The following PSG3 variants were observed in gnomAD, a reference collection of about 807,000 sequenced individuals.
PSG3 encodes the protein pregnancy-specific beta-1-glycoprotein 3.
A neutral mutation model predicts 47.5 loss-of-function variants in PSG3; 61 were observed. That is an observed-to-expected ratio of 1.28 (90% confidence interval 1.05 to 1.59). The LOEUF is 1.59. Ranked by LOEUF, PSG3 falls within the 40% of genes most tolerant of loss-of-function variation. The pLI is 0.00. For missense variants in PSG3, 756 were observed against 524.0 expected (o/e 1.44, Z -4.32); for synonymous variants, 263 against 198.4 (o/e 1.33, Z -2.74).
At chr19:42,739,257 G>C (rs566064330) in intron 1 of PSG3, 168 bp from the exon 2 acceptor site, 1 of 1,191,004 alleles carries the variant, frequency 8.4e-7, no homozygotes, top group Non-Finnish European at 1.2e-6. Context: ...ATATGTGTTT[G>C]TGTCCTACTC....
At chr19:42,734,936 T>A (rs1310414484) in intron 2 of PSG3, among the ~76,000 whole-genome samples, 3 of 152,242 alleles carry the variant, frequency 2.0e-5, no homozygotes, top group Admixed American at 1.3e-4. Context: ...CACTAGTGTT[T>A]AAGTTTGTGT....
intron 2 of PSG3, among the ~76,000 whole-genome samples, chr19:42,736,573 T>C (rs535534974): frequency 4.6e-5 from 7 of 151,806 alleles, no homozygotes; most frequent in African/African-American, 1.5e-4. Context: ...TTGGAGTCAT[T>C]AAAATCTTTC....
chr19:42,733,223 G>C (rs1217692764), intron 2 of PSG3, among the ~76,000 whole-genome samples, 161 bp from the exon 3 acceptor site: 2 of 152,160 alleles, frequency 1.3e-5, no homozygotes, highest in East Asian at 3.9e-4. Context: ...GGCAATCTGA[G>C]GGCTCAGAGA....
At chr19:42,725,915 AAG>A (rs1568746368) in intron 5 of PSG3, among the ~76,000 whole-genome samples, 2 of 151,370 alleles carry the variant, frequency 1.3e-5, no homozygotes, top group Non-Finnish European at 2.9e-5. Context: ...AAAAAGAAAA[AAG>A]AAAAATGAAG....
Position 42,725,411 on chromosome 19 carries a change from T to C in PSG3, c.1244-1386A>G, listed in dbSNP as rs567961742. 5.9e-5 allele frequency among the ~76,000 whole-genome samples: 9 copies of C among 151,834 alleles called. No homozygotes were observed. In the South Asian group the frequency reaches 1.9e-3, roughly 32 times the overall value. ...ACAGTGAATGAGGGAAAAATAAGGATTAGAGTGGATATAAATAAAATGGAG... is the reference window on the plus strand; with the variant it reads ...ACAGTGAATGAGGGAAAAATAAGGACTAGAGTGGATATAAATAAAATGGAG... On this transcript the variant is annotated intron_variant, in intron 5 of 6. Transcript: ENST00000327495.
chr19:42,738,682 A>G (rs753364286), intron 2 of PSG3, 42 bp downstream of exon 2: 11 of 1,612,262 alleles, frequency 6.8e-6, no homozygotes, highest in Non-Finnish European at 7.6e-6. Flanking sequence ...TGAAGTAAAG[A>G]CCCCATCCCC....
chr19:42,735,324 T>G (rs894556020), intron 2 of PSG3, among the ~76,000 whole-genome samples: 3 of 152,204 alleles, frequency 2.0e-5, no homozygotes, highest in African/African-American at 4.8e-5. Flanking sequence ...TCAGCTATGT[T>G]CAGTCTACCA....
Position 42,730,111 on chromosome 19 carries a change from T to A in PSG3, c.710-55A>T, listed in dbSNP as rs2353156. 2,165 of 1,598,956 alleles carry A rather than the reference T, an allele frequency of 1.4e-3. 40 individuals carry two copies. The African/African-American group carries it at 0.024, about 18-fold the overall frequency. The stretch of plus-strand genomic sequence containing the variant: ...TGTGTGGCACCTTTGATTCCTCCAC[T>A]GGCATCCTTCAATCAGAGTTGGCAT... On this transcript the variant is annotated intron_variant, in intron 3 of 6. Transcript: ENST00000327495.
chr19:42,739,298 C>G (rs1296629608), intron 1 of PSG3: 7 of 892,722 alleles, frequency 7.8e-6, no homozygotes, highest in Non-Finnish European at 1.1e-5. Context: ...CAACATGACC[C>G]CCATTCCTTC....
chr19:42,736,338 C>A (rs1044056287), intron 2 of PSG3, among the ~76,000 whole-genome samples: 1 of 152,190 alleles, frequency 6.6e-6, no homozygotes, highest in Non-Finnish European at 1.5e-5. Context: ...CTGACCTCAT[C>A]CATACCTATG....
At chr19:42,726,393 T>G (rs1969378546) in intron 5 of PSG3, among the ~76,000 whole-genome samples, 1 of 152,224 alleles carries the variant, frequency 6.6e-6, no homozygotes, top group African/African-American at 2.4e-5. Context: ...TAGAAAATCC[T>G]AAAGATGGAA....
At chr19:42,730,418 C>T (rs1209952413) in intron 3 of PSG3, among the ~76,000 whole-genome samples, 1 of 152,174 alleles carries the variant, frequency 6.6e-6, no homozygotes, top group East Asian at 1.9e-4. Context: ...CTGGTGGGCC[C>T]CTTCCAAATT....
intron 2 of PSG3, among the ~76,000 whole-genome samples, chr19:42,734,574 A>G (rs1055212836): frequency 6.6e-6 from 1 of 152,240 alleles, no homozygotes; most frequent in Non-Finnish European, 1.5e-5. Context: ...CTGATGATCC[A>G]AACATCTAAG....
Position 42,738,613 on chromosome 19 carries a change from A to G in PSG3, c.430+111T>C. 2.5e-6 allele frequency: 4 copies of G among 1,596,338 alleles called. No individual in the cohort carries two copies. In the South Asian group the frequency reaches 3.4e-5, roughly 13 times the overall value. On this transcript the variant is annotated intron_variant, in intron 2 of 6. Transcript: ENST00000327495. ...CTGCACTAAATGCCCAAACCCCAGCATGGGACATAATGCAGAGAGGGACAC... is the reference window on the plus strand; with the variant it reads ...CTGCACTAAATGCCCAAACCCCAGCGTGGGACATAATGCAGAGAGGGACAC...
chr19:42,740,476 C>T lies in PSG3; in HGVS notation c.-92G>A, dbSNP rs1452973970. 6.2e-7 allele frequency: 1 copy of T among 1,608,268 alleles called. No individual in the cohort carries two copies. Among genetic ancestry groups the T allele is most frequent in the African/African-American group, 1.3e-5 (1 of 74,826 alleles). On this transcript the variant is annotated 5_prime_UTR_variant, in exon 1 of 7. Transcript: ENST00000327495. ...GGCTCTCAGCTGTGCTGTCCTTCCT[C>T]CTTCTGCGCTGAGCCTCTTCCCGGG...
chr19:42,728,687 G>A (rs1361954804), intron 5 of PSG3, among the ~76,000 whole-genome samples: 1 of 152,198 alleles, frequency 6.6e-6, no homozygotes, highest in Non-Finnish European at 1.5e-5. Context: ...CACCCAAGGG[G>A]CTTCCTCCTC....
chr19:42,730,184 C>G (rs540711679), intron 3 of PSG3, 128 bp from the exon 4 acceptor site: 60 of 1,492,804 alleles, frequency 4.0e-5, no homozygotes, highest in African/African-American at 7.0e-5. Flanking sequence ...ATAGCTGGTG[C>G]GTGTGTCACA....
chr19:42,724,013 G>T lies in PSG3; in HGVS notation c.1256C>A (p.Thr419Lys). 6.2e-7 allele frequency: 1 copy of T among 1,611,514 alleles called. No homozygotes were observed. Among genetic ancestry groups the T allele is most frequent in the Non-Finnish European group, 8.5e-7 (1 of 1,177,682 alleles). The change falls in exon 6 of 7, where the codon ACA becomes AAA. Residue 419 changes from threonine (T) to lysine (K), a missense_variant. Physicochemically the swap from Thr to Lys is moderately conservative, Grantham distance 78. Coordinates refer to ENST00000327495, the MANE Select transcript of PSG3 (RefSeq NM_021016.4). Reference protein sequence around the residue: ...MTVKVSAPSGTGHLPGLNPL With the variant: ...MTVKVSAPSGKGHLPGLNPL ...TGGATTAAGGCCAGGAAGATGTCCT[G>T]TTCCTGAAGGAGCTGTCATGGAAAA...
intron 2 of PSG3, chr19:42,734,177 C>T (rs982404547): frequency 6.6e-6 from 1 of 152,304 alleles, no homozygotes; most frequent in Admixed American, 6.5e-5. Flanking sequence ...TTCTAGAGAT[C>T]TCCTGTACAG....
Sources: allele counts gnomAD v4.1 joint callset (sites outside exome capture counted in the v4.1 genomes callset), GRCh38; gene constraint gnomAD v4.1.1; transcripts MANE v1.5; gene names NCBI Gene and HGNC (gene_info 2026-07-23, HGNC 2026-07-21).